The following SUCLG2 variants were observed in gnomAD, a reference collection of about 807,000 sequenced individuals.
SUCLG2 encodes succinate--CoA ligase [GDP-forming] subunit beta, mitochondrial.
Under a neutral mutation model 47.9 loss-of-function variants are expected in SUCLG2, and 42 were observed. The ratio of observed to expected loss-of-function variants is 0.88; its 90% CI spans 0.69 to 1.14. The LOEUF is 1.14. SUCLG2 is among the 50% of genes most tolerant of loss of function. The pLI is 0.00. For missense variants in SUCLG2, 571 were observed against 525.9 expected (o/e 1.09, Z -0.84); for synonymous variants, 195 against 197.3 (o/e 0.99, Z 0.10).
intron 9 of SUCLG2, among the ~76,000 whole-genome samples, chr3:67,489,333 G>A (rs1320471682): frequency 6.6e-6 from 1 of 152,086 alleles, no homozygotes; most frequent in Non-Finnish European, 1.5e-5. Flanking sequence ...AAAGAAAAGG[G>A]CCCAGAGTGG....
intron 10 of SUCLG2, among the ~76,000 whole-genome samples, chr3:67,389,854 C>T (rs1303450628): frequency 6.6e-6 from 1 of 152,146 alleles, no homozygotes. Flanking sequence ...GGATGAATTT[C>T]TCAAGGTTCT....
chr3:67,624,602 C>T (rs1189800689), intron 1 of SUCLG2, among the ~76,000 whole-genome samples: 1 of 152,138 alleles, frequency 6.6e-6, no homozygotes, highest in Non-Finnish European at 1.5e-5. Context: ...AAAAGAAAAA[C>T]ACATGCCAAA....
chr3:67,420,698 A>G (rs1703136898), intron 9 of SUCLG2, among the ~76,000 whole-genome samples: 1 of 152,114 alleles, frequency 6.6e-6, no homozygotes, highest in Admixed American at 6.5e-5. Context: ...ATTTCAAAAA[A>G]CAATCCTCCA....
intron 9 of SUCLG2, among the ~76,000 whole-genome samples, chr3:67,411,812 A>C (rs1366616868): frequency 9.9e-5 from 15 of 152,198 alleles, no homozygotes; most frequent in Admixed American, 9.8e-4. Context: ...ACTGCTGAAA[A>C]AATTCATTAG....
chr3:67,576,191 C>A (rs1575790035), intron 2 of SUCLG2, among the ~76,000 whole-genome samples: 1 of 152,160 alleles, frequency 6.6e-6, no homozygotes, highest in Non-Finnish European at 1.5e-5. Flanking sequence ...AACAGAGTAG[C>A]AAACAGATAA....
chr3:67,367,657 C>G (rs1701894052), intron 10 of SUCLG2, among the ~76,000 whole-genome samples: 1 of 152,178 alleles, frequency 6.6e-6, no homozygotes, highest in Non-Finnish European at 1.5e-5. Flanking sequence ...TGGCCTCTAC[C>G]TACTAGAAGT....
chr3:67,371,693 C>T (rs1335190825), downstream of SUCLG2, among the ~76,000 whole-genome samples: 1 of 152,150 alleles, frequency 6.6e-6, no homozygotes, highest in African/African-American at 2.4e-5. Flanking sequence ...ATTCAAGAAC[C>T]CAGCTTGCTA....
intron 9 of SUCLG2, among the ~76,000 whole-genome samples, chr3:67,415,008 TG>T (rs1703008050): frequency 6.6e-6 from 1 of 152,106 alleles, no homozygotes; most frequent in African/African-American, 2.4e-5. Context: ...ATCTGCCACA[TG>T]CCCAGCTAAT....
At chr3:67,512,195 T>C (rs948658772) in intron 6 of SUCLG2, among the ~76,000 whole-genome samples, 2 of 151,238 alleles carry the variant, frequency 1.3e-5, no homozygotes, top group African/African-American at 4.9e-5. Flanking sequence ...ATATGGCTTC[T>C]GGCTTTGTGT....
chr3:67,492,851 ATAAC>A (rs2107051230), intron 9 of SUCLG2, among the ~76,000 whole-genome samples: 1 of 152,348 alleles, frequency 6.6e-6, no homozygotes, highest in African/African-American at 2.4e-5. Flanking sequence ...GTCAAGCAAA[ATAAC>A]TAAAATTTTC....
At chr3:67,609,636 T>C (rs1336957315) in intron 1 of SUCLG2, 40 bp from the exon 2 acceptor site, 4 of 1,591,338 alleles carry the variant, frequency 2.5e-6, no homozygotes, top group Non-Finnish European at 3.4e-6. Flanking sequence ...CATTCATTAA[T>C]AGCAAGAAAA....
chr3:67,444,147 G>C (rs1180825054), intron 9 of SUCLG2, among the ~76,000 whole-genome samples: 1 of 48,304 alleles, frequency 2.1e-5, no homozygotes, highest in African/African-American at 6.8e-5. Flanking sequence ...CGTGCCGTCC[G>C]GGAGGGAGGT....
intron 2 of SUCLG2, among the ~76,000 whole-genome samples, chr3:67,550,037 G>T (rs1249420048): frequency 1.3e-5 from 2 of 152,160 alleles, no homozygotes; most frequent in Non-Finnish European, 2.9e-5. Flanking sequence ...TGGGAGGAGT[G>T]ACTCAAAATA....
chr3:67,589,624 A>C (rs573028079), intron 2 of SUCLG2, among the ~76,000 whole-genome samples: 7 of 152,306 alleles, frequency 4.6e-5, no homozygotes, highest in African/African-American at 1.4e-4. Context: ...AAGTCTACCG[A>C]AATGGCCCAT....
At chr3:67,379,225 C>A (rs1229376037) in intron 10 of SUCLG2, among the ~76,000 whole-genome samples, 1 of 152,162 alleles carries the variant, frequency 6.6e-6, no homozygotes, top group Non-Finnish European at 1.5e-5. Flanking sequence ...GGATTAGAAG[C>A]ATGAGCCACC....
chr3:67,619,822 C>G (rs1700701864), intron 1 of SUCLG2, among the ~76,000 whole-genome samples: 1 of 152,128 alleles, frequency 6.6e-6, no homozygotes, highest in South Asian at 2.1e-4. Context: ...AAAAATACAA[C>G]CTTGATAAAC....
At chr3:67,387,152 A>C (rs1702277018) in intron 10 of SUCLG2, among the ~76,000 whole-genome samples, 1 of 152,250 alleles carries the variant, frequency 6.6e-6, no homozygotes, top group African/African-American at 2.4e-5. Context: ...TATGAACATT[A>C]AAACATACTG....
At position 67,497,845 on chromosome 3, in the gene SUCLG2, G is replaced by GAATACC. The variant is rs1559548139; in HGVS notation, c.919+288_919+289insGGTATT. ...TTATTTGTCTTCACAAGTGGGGGTT[G>GAATACC]TTAGTAGTATCTAGAGGTTAGGATG... On this transcript the variant is annotated intron_variant, in intron 8 of 10. Transcript: ENST00000307227. Among the ~76,000 whole-genome samples the GAATACC allele has an allele frequency of 2.0e-5, 3 of 152,242 alleles. No individual in the cohort carries two copies. The East Asian group carries it at 5.8e-4, about 29-fold the overall frequency.
chr3:67,412,815 T>C (rs938128075), intron 9 of SUCLG2, among the ~76,000 whole-genome samples: 1 of 152,160 alleles, frequency 6.6e-6, no homozygotes, highest in Non-Finnish European at 1.5e-5. Context: ...AAAAATAAAC[T>C]TTCCTCCATA....
Sources: allele counts gnomAD v4.1 joint callset (sites outside exome capture counted in the v4.1 genomes callset), GRCh38; gene constraint gnomAD v4.1.1; transcripts MANE v1.5; gene names NCBI Gene and HGNC (gene_info 2026-07-23, HGNC 2026-07-21).